XRCC4: variants seen among roughly 807,000 people sequenced by gnomAD.
XRCC4 encodes DNA repair protein XRCC4.
In XRCC4, 28 loss-of-function variants were observed where a neutral mutation model predicts 39.1. The observed-to-expected ratio is 0.72, with a 90% CI of 0.53 to 0.98. The LOEUF (loss-of-function observed/expected upper bound fraction) is 0.98, where lower values mean the gene tolerates loss of function less well. XRCC4 is among the 50% of genes least tolerant of loss of function. The pLI is 0.00. For synonymous variants in XRCC4, 123 were observed against 126.4 expected, an observed-to-expected ratio of 0.97 and a Z score of 0.18; for missense variants, 350 against 376.4, an observed-to-expected ratio of 0.93 and a Z score of 0.58.
At chr5:83,320,389 AT>A (rs1368349241) in intron 7 of XRCC4, among the ~76,000 whole-genome samples, 3 of 150,208 alleles carry the variant, frequency 2.0e-5, no homozygotes, top group Non-Finnish European at 3.0e-5. Flanking sequence ...TAATAAAAAA[AT>A]AAAAAAAAAA....
intron 7 of XRCC4, among the ~76,000 whole-genome samples, chr5:83,262,838 C>CTTTTTTTTT (rs72274529): frequency 8.4e-5 from 10 of 119,442 alleles, no homozygotes; most frequent in Non-Finnish European, 1.2e-4. Context: ...TTATCACAGT[C>CTTTTTTTTT]TTTTTTTTTT....
intron 7 of XRCC4, among the ~76,000 whole-genome samples, chr5:83,274,469 A>C (rs988282292): frequency 3.3e-5 from 5 of 152,300 alleles, no homozygotes; most frequent in African/African-American, 1.2e-4. Flanking sequence ...TGACTTAGGC[A>C]CAGAGGATAG....
intron 6 of XRCC4, among the ~76,000 whole-genome samples, chr5:83,223,098 T>C (rs995481596): frequency 8.5e-5 from 13 of 152,166 alleles, no homozygotes; most frequent in African/African-American, 2.7e-4. Context: ...TGGTCTAACG[T>C]GTCATCTATC....
At chr5:83,170,031 A>AT (rs879518725) in intron 3 of XRCC4, among the ~76,000 whole-genome samples, 19 of 152,058 alleles carry the variant, frequency 1.2e-4, no homozygotes, top group Admixed American at 5.9e-4. Context: ...AAACTTAGCC[A>AT]TTTTTTCTAT....
At chr5:83,144,305 G>GTT (rs1346321774) in intron 3 of XRCC4, among the ~76,000 whole-genome samples, 1 of 147,332 alleles carries the variant, frequency 6.8e-6, no homozygotes, top group Non-Finnish European at 1.5e-5. Context: ...GTGTGTGTGT[G>GTT]TAAAATTGAA....
chr5:83,251,630 C>T (rs772279315), intron 6 of XRCC4, among the ~76,000 whole-genome samples: 10 of 151,372 alleles, frequency 6.6e-5, no homozygotes, highest in Non-Finnish European at 1.3e-4. Flanking sequence ...GCAGATACTT[C>T]TGGGGTCTGT....
At chr5:83,310,940 C>G (rs1755689184) in intron 7 of XRCC4, 1 of 433,894 alleles carries the variant, frequency 2.3e-6, no homozygotes, top group Non-Finnish European at 4.6e-6. Flanking sequence ...GCCAAGGAAA[C>G]TGATCTTCCC....
chr5:83,151,291 C>A (rs1254574420), intron 3 of XRCC4, among the ~76,000 whole-genome samples: 1 of 152,064 alleles, frequency 6.6e-6, no homozygotes, highest in East Asian at 1.9e-4. Flanking sequence ...CTGACAGTCA[C>A]AACTAGAGGA....
At chr5:83,304,115 C>CAA (rs1755393227) in intron 7 of XRCC4, among the ~76,000 whole-genome samples, 1 of 150,034 alleles carries the variant, frequency 6.7e-6, no homozygotes, top group African/African-American at 2.5e-5. Flanking sequence ...AAAAGTAATA[C>CAA]AAGTACTTTT....
intron 6 of XRCC4, among the ~76,000 whole-genome samples, chr5:83,216,846 G>T (rs755828149): frequency 1.3e-5 from 2 of 152,134 alleles, no homozygotes; most frequent in Non-Finnish European, 2.9e-5. Flanking sequence ...GAGCCCAAGA[G>T]AATTTTTGGA....
chr5:83,148,807 T>TAAC (rs1303048331), intron 3 of XRCC4, among the ~76,000 whole-genome samples: 1 of 151,516 alleles, frequency 6.6e-6, no homozygotes, highest in Non-Finnish European at 1.5e-5. Flanking sequence ...TCAATAATGA[T>TAAC]AATAATAATA....
intron 6 of XRCC4, among the ~76,000 whole-genome samples, chr5:83,209,083 A>AGTGTGTGTGTGTGTGT (rs35019637): frequency 1.4e-5 from 2 of 143,584 alleles, no homozygotes. Flanking sequence ...CTCCAAAGTG[A>AGTGTGTGTGTGTGTGT]GTGTGTGTGT....
At chr5:83,261,254 ATTTT>A (rs895483202) in intron 7 of XRCC4, among the ~76,000 whole-genome samples, 4 of 151,996 alleles carry the variant, frequency 2.6e-5, no homozygotes, top group Non-Finnish European at 5.9e-5. Context: ...GCTAGCCCTT[ATTTT>A]AAGTTTTAAA....
rs534960776 is a variant in XRCC4, at chr5:83,320,374, A to T, written c.894-32757A>T. Reference sequence around the variant, plus strand: ...AAGTATAATAAAAAATAAAAAATAAAAAAATAATAAAAAAATAAAAAAAAA... The same window carrying T: ...AAGTATAATAAAAAATAAAAAATAATAAAATAATAAAAAAATAAAAAAAAA... On this transcript the variant is annotated intron_variant, in intron 7 of 7. Coordinates refer to ENST00000396027, the MANE Select transcript of XRCC4 (RefSeq NM_003401.5). 3.2e-4 allele frequency among the ~76,000 whole-genome samples: 47 copies of T among 148,904 alleles called. 1 individual carries two copies. The highest frequency in any genetic ancestry group is 1.2e-3 in the South Asian group (6 of 4,818).
the XRCC4 span, among the ~76,000 whole-genome samples, chr5:83,370,772 TC>T: frequency 6.6e-6 from 1 of 152,162 alleles, no homozygotes; most frequent in Non-Finnish European, 1.5e-5. Context: ...CGTTTCTTCC[TC>T]TGTAATAGCG....
At chr5:83,363,249 G>A in the XRCC4 span, among the ~76,000 whole-genome samples, 1 of 151,966 alleles carries the variant, frequency 6.6e-6, no homozygotes, top group East Asian at 1.9e-4. Flanking sequence ...GGTACTCTCA[G>A]CCACTTGTGA....
chr5:83,227,075 G>A (rs1374794862), intron 6 of XRCC4, among the ~76,000 whole-genome samples: 1 of 151,734 alleles, frequency 6.6e-6, no homozygotes, highest in Non-Finnish European at 1.5e-5. Context: ...TTAGTTCTCT[G>A]TGCTTTAGGC....
intron 1 of XRCC4, among the ~76,000 whole-genome samples, chr5:83,097,104 T>C (rs1745712605): frequency 6.6e-6 from 1 of 152,332 alleles, no homozygotes; most frequent in African/African-American, 2.4e-5. Flanking sequence ...CTGCTGGAGT[T>C]GTCCAAAATG....
chr5:83,207,801 G>A (rs935004599), intron 6 of XRCC4, among the ~76,000 whole-genome samples: 1 of 151,864 alleles, frequency 6.6e-6, no homozygotes, highest in African/African-American at 2.4e-5. Context: ...TCTCTTTTTG[G>A]TACTCTATGT....
Sources: allele counts gnomAD v4.1 joint callset (sites outside exome capture counted in the v4.1 genomes callset), GRCh38; gene constraint gnomAD v4.1.1; transcripts MANE v1.5; gene names NCBI Gene and HGNC (gene_info 2026-07-23, HGNC 2026-07-21).